Variants in SEC23A observed in about 807,000 individuals in gnomAD.
SEC23A encodes SEC23 homolog A, COPII component, also known as protein transport protein Sec23A.
SEC23A carries 56 observed loss-of-function variants against 103.7 expected under a neutral mutation model. The ratio of observed to expected loss-of-function variants is 0.54; its 90% CI spans 0.44 to 0.67. The LOEUF (loss-of-function observed/expected upper bound fraction) is 0.67, where lower values mean the gene tolerates loss of function less well. Among genes scored for constraint, SEC23A ranks in the 30% least tolerant of loss-of-function variants. SEC23A has a pLI of 0.00. For missense variants in SEC23A, 784 were observed against 936.4 expected (o/e 0.84, Z 2.12); for synonymous variants, 281 against 293.0 (o/e 0.96, Z 0.42).
chr14:39,090,600 T>C (rs1031779641), intron 5 of SEC23A, among the ~76,000 whole-genome samples: 2 of 152,170 alleles, frequency 1.3e-5, no homozygotes, highest in African/African-American at 2.4e-5. Context: ...AAGTATTTAG[T>C]TCTTAAGTGA....
At chr14:39,088,247 C>T (rs1334061440) in intron 5 of SEC23A, 2 of 151,970 alleles carry the variant, frequency 1.3e-5, no homozygotes, top group East Asian at 3.9e-4. Context: ...AGAAAATAAA[C>T]ATGTTTCAAT....
intron 14 of SEC23A, among the ~76,000 whole-genome samples, chr14:39,052,203 G>C (rs1179645003): frequency 6.6e-6 from 1 of 151,936 alleles, no homozygotes; most frequent in African/African-American, 2.4e-5. Context: ...AATAGATGCT[G>C]GCCTATAATA....
Position 39,074,494 on chromosome 14 carries a change from C to CA in SEC23A, c.1023dup (p.Gly342TrpfsTer5). Reference sequence around the variant, plus strand: ...CACGCATAGATATCAATAACATGGCCAGTTGTAGCAGCTCGATTAGCCAAT... The same window carrying CA: ...CACGCATAGATATCAATAACATGGCCAAGTTGTAGCAGCTCGATTAGCCAAT... On this transcript the variant is annotated frameshift_variant, in exon 9 of 20. Coordinates refer to ENST00000307712, the MANE Select transcript of SEC23A (RefSeq NM_006364.4). LOFTEE classifies it high-confidence loss of function. 3 of 1,613,202 alleles carry CA rather than the reference C, an allele frequency of 1.9e-6. No homozygotes were observed. The highest frequency in any genetic ancestry group is 2.5e-6 in the Non-Finnish European group (3 of 1,179,604).
intron 17 of SEC23A, among the ~76,000 whole-genome samples, 188 bp downstream of exon 17, chr14:39,042,598 T>C (rs1261982140): frequency 6.6e-6 from 1 of 152,168 alleles, no homozygotes; most frequent in East Asian, 1.9e-4. Flanking sequence ...AATAAAATAA[T>C]CACATGTGGG....
chr14:39,067,042 A>G (rs1262399978), intron 10 of SEC23A, 131 bp downstream of exon 10: 2 of 1,081,776 alleles, frequency 1.8e-6, no homozygotes, highest in East Asian at 4.9e-5. Flanking sequence ...TCTCTAACTC[A>G]GGTTTCAATA....
At chr14:39,037,266 A>G (rs1885492779) in intron 19 of SEC23A, among the ~76,000 whole-genome samples, 3 of 152,250 alleles carry the variant, frequency 2.0e-5, no homozygotes, top group South Asian at 4.1e-4. Flanking sequence ...TTGTGGCTCA[A>G]TAAGGCCTTC....
At chr14:39,083,264 T>C (rs1887290631) in intron 7 of SEC23A, among the ~76,000 whole-genome samples, 2 of 152,142 alleles carry the variant, frequency 1.3e-5, no homozygotes, top group Non-Finnish European at 2.9e-5. Context: ...GTCATCCCTC[T>C]GCTCAGTAAG....
chr14:39,065,353 T>C (rs1594458038), intron 10 of SEC23A, among the ~76,000 whole-genome samples: 1 of 151,332 alleles, frequency 6.6e-6, no homozygotes, highest in Non-Finnish European at 1.5e-5. Flanking sequence ...AAGATTGGTC[T>C]CCCCCCAGTC....
chr14:39,067,756 A>T (rs1886722174), intron 9 of SEC23A, among the ~76,000 whole-genome samples: 1 of 149,144 alleles, frequency 6.7e-6, no homozygotes. Flanking sequence ...CTGCAGCCAC[A>T]ACCTCCTGGG....
At chr14:39,045,130 C>T (rs774102846) in intron 16 of SEC23A, 33 bp downstream of exon 16, 7 of 1,600,862 alleles carry the variant, frequency 4.4e-6, no homozygotes, top group Non-Finnish European at 5.1e-6. Flanking sequence ...ATTGCAGTAA[C>T]AAGACCAATT....
chr14:39,097,609 G>C (rs1408726398), intron 1 of SEC23A, among the ~76,000 whole-genome samples: 1 of 152,146 alleles, frequency 6.6e-6, no homozygotes, highest in Non-Finnish European at 1.5e-5. Context: ...AGCATTCCAA[G>C]CAGTTAAGAA....
chr14:39,071,035 GA>G (rs950639437), intron 9 of SEC23A, among the ~76,000 whole-genome samples: 7 of 142,646 alleles, frequency 4.9e-5, no homozygotes, highest in African/African-American at 1.5e-4. Context: ...CTCAAAAAAA[GA>G]AAAAAAAAAG....
At chr14:39,048,829 A>T in intron 14 of SEC23A, 100 bp from the exon 15 acceptor site, 1 of 691,558 alleles carries the variant, frequency 1.4e-6, no homozygotes, top group Admixed American at 2.4e-5. Context: ...AATCATCAGG[A>T]AGCAGATACT....
chr14:39,051,241 A>C (rs1414085808), intron 14 of SEC23A, among the ~76,000 whole-genome samples: 1 of 152,198 alleles, frequency 6.6e-6, no homozygotes, highest in Non-Finnish European at 1.5e-5. Context: ...TTTTGGAGAC[A>C]GTGTGCATTA....
intron 16 of SEC23A, among the ~76,000 whole-genome samples, chr14:39,043,262 C>T (rs1322507280): frequency 1.3e-5 from 2 of 152,048 alleles, no homozygotes; most frequent in Admixed American, 6.6e-5. Context: ...ATTACAGGCT[C>T]AGCACTAAAT....
In SEC23A at chr14:39,063,417, T is replaced by TA. The variant is rs779944848; in HGVS notation, c.1309-5dup. The stretch of plus-strand genomic sequence containing the variant: ...ATGTGCCACCTGTTCCTATCTCCTG[T>TA]AAAAATAAAATATAGCATGTTTGAA... On this transcript the variant is annotated splice_polypyrimidine_tract_variant and splice_region_variant and intron_variant, in intron 11 of 19. Coordinates refer to ENST00000307712, the MANE Select transcript of SEC23A (RefSeq NM_006364.4). 5 of 1,569,414 alleles carry TA rather than the reference T, an allele frequency of 3.2e-6. No homozygotes were observed. In the South Asian group the frequency reaches 5.6e-5, roughly 17 times the overall value.
intron 13 of SEC23A, among the ~76,000 whole-genome samples, chr14:39,059,715 T>C (rs1295650395): frequency 2.6e-5 from 4 of 152,194 alleles, no homozygotes; most frequent in African/African-American, 9.6e-5. Flanking sequence ...ACCTTCTGCC[T>C]GAAATACTTC....
chr14:39,097,945 T>G (rs1343334637), intron 1 of SEC23A, among the ~76,000 whole-genome samples: 2 of 151,786 alleles, frequency 1.3e-5, no homozygotes, highest in Non-Finnish European at 2.9e-5. Flanking sequence ...AAAAATTAGC[T>G]GGGCAGGGTG....
rs1887479881 is a variant in SEC23A, at chr14:39,087,379, G to A, written c.604-371C>T. 3.2e-5 allele frequency: 7 copies of A among 218,200 alleles called. 1 individual carries two copies. The South Asian group carries it at 4.0e-4, about 12-fold the overall frequency. The allele number at this position is 218,200 out of a possible 1,614,324, so 13.5% of individuals were successfully genotyped here. ...ATCATAAGCACCTGCTATGTGGCAGGAATACAATGGTAAAAACTAACTAGT... is the reference window on the plus strand; with the variant it reads ...ATCATAAGCACCTGCTATGTGGCAGAAATACAATGGTAAAAACTAACTAGT... On this transcript the variant is annotated intron_variant, in intron 5 of 19. Transcript: ENST00000307712.
Sources: gnomAD v4.1 joint callset for allele counts (sites outside exome capture counted in the v4.1 genomes callset) on GRCh38, gnomAD v4.1.1 for gene constraint, MANE v1.5 for transcripts, NCBI Gene and HGNC (gene_info 2026-07-23, HGNC 2026-07-21) for gene names.